The following LTF variants were observed in gnomAD, a reference collection of about 807,000 sequenced individuals.
LTF encodes lactotransferrin.
In LTF, 91 loss-of-function variants were observed where a neutral mutation model predicts 87.2. The observed-to-expected ratio is 1.04, with a 90% CI of 0.88 to 1.24. The LOEUF (loss-of-function observed/expected upper bound fraction) is 1.24. LTF is among the 50% of genes most tolerant of loss of function. The pLI is 0.00. For missense variants in LTF, 901 were observed against 904.3 expected, an observed-to-expected ratio of 1.00 and a Z score of 0.05; for synonymous variants, 378 against 356.1, an observed-to-expected ratio of 1.06 and a Z score of -0.69.
At chr3:46,474,170 G>C (rs1242546877) in intron 1 of LTF, among the ~76,000 whole-genome samples, 2 of 152,134 alleles carry the variant, frequency 1.3e-5, no homozygotes, top group African/African-American at 4.8e-5. Context: ...GATTGGAAGA[G>C]TGGATTAAAA....
At chr3:46,445,759 A>G (rs971556428) in intron 11 of LTF, among the ~76,000 whole-genome samples, 9 of 152,204 alleles carry the variant, frequency 5.9e-5, no homozygotes, top group Admixed American at 3.3e-4. Context: ...AGCAACAAAC[A>G]CTATAAACAA....
chr3:46,438,636 C>T (rs1183036468), intron 15 of LTF, among the ~76,000 whole-genome samples: 1 of 152,172 alleles, frequency 6.6e-6, no homozygotes, highest in African/African-American at 2.4e-5. Flanking sequence ...AGACCCAAAC[C>T]CCTCAGTCAC....
At chr3:46,480,750 A>G (rs1046799777) in intron 1 of LTF, among the ~76,000 whole-genome samples, 1 of 152,190 alleles carries the variant, frequency 6.6e-6, no homozygotes, top group Admixed American at 6.5e-5. Context: ...TGCATTGCCC[A>G]CCATTGTCAG....
At chr3:46,453,871 C>T (rs1702861113) in intron 6 of LTF, 1 of 171,872 alleles carries the variant, frequency 5.8e-6, no homozygotes, top group South Asian at 1.4e-4. Flanking sequence ...ACGGAACACT[C>T]CTCAACTGTT....
intron 12 of LTF, among the ~76,000 whole-genome samples, chr3:46,444,072 G>A (rs529021683): frequency 6.6e-6 from 1 of 152,328 alleles, no homozygotes; most frequent in East Asian, 1.9e-4. Flanking sequence ...GGAGTGTTGG[G>A]CGCCAGCTTC....
At position 46,470,757 on chromosome 3, in the gene LTF, T is replaced by C. The variant is rs563678943; in HGVS notation, c.-319-291A>G. ...AGAGATGGGATTGGCTGGCTAAGTT[T>C]GAACCAGTTCCACCCTAAACAGCTC... On this transcript the variant is annotated intron_variant, in intron 1 of 19. Transcript: ENST00000443496. Among the ~76,000 whole-genome samples, 14 of 152,312 alleles carry C rather than the reference T, an allele frequency of 9.2e-5. No individual in the cohort carries two copies. In the South Asian group the frequency reaches 1.9e-3, roughly 20 times the overall value.
At chr3:46,467,514 T>C (rs1703230908), upstream of LTF, among the ~76,000 whole-genome samples, 1 of 152,078 alleles carries the variant, frequency 6.6e-6, no homozygotes, top group Non-Finnish European at 1.5e-5. Context: ...GAGCATTCTG[T>C]AAAGTAAACA....
intron 1 of LTF, among the ~76,000 whole-genome samples, chr3:46,482,704 GAAAGAAAGAAAGAGA>G: frequency 9.1e-6 from 1 of 109,470 alleles, no homozygotes; most frequent in African/African-American, 3.9e-5. Flanking sequence ...AGGAAGGAAG[GAAAGAAAGAAAGAGA>G]AAGAAAGGAA....
chr3:46,465,065 G>T (rs1044159164), upstream of LTF: 5 of 612,958 alleles, frequency 8.2e-6, no homozygotes, highest in Non-Finnish European at 5.8e-6. Flanking sequence ...TCCACACCGC[G>T]CTGCGAGAGG....
At chr3:46,441,939 GTGT>G in intron 13 of LTF, 1 of 37,880 alleles carries the variant, frequency 2.6e-5, no homozygotes, top group East Asian at 1.0e-3. Context: ...GAGAGAGTGT[GTGT>G]GTGTGTGTGT....
chr3:46,482,625 A>AAAG (rs1553668604), intron 1 of LTF, among the ~76,000 whole-genome samples: 2 of 65,140 alleles, frequency 3.1e-5, no homozygotes, highest in East Asian at 5.1e-4. Flanking sequence ...AGAAAGAAAG[A>AAAG]AAGAAAGAAA....
At chr3:46,457,485 C>T (rs17078864) in intron 2 of LTF, among the ~76,000 whole-genome samples, 24,787 of 152,156 alleles carry the variant, frequency 0.16, 2,171 homozygotes, top group East Asian at 0.39. Context: ...ATGAGGAGCA[C>T]GTTTCCCCCT....
intron 1 of LTF, among the ~76,000 whole-genome samples, chr3:46,481,193 C>A (rs1007288433): frequency 6.6e-5 from 10 of 152,234 alleles, no homozygotes; most frequent in African/African-American, 2.4e-4. Context: ...CTGCCTGGAT[C>A]ACCCCTGAGC....
chr3:46,445,976 C>T (rs1185457771), intron 11 of LTF, among the ~76,000 whole-genome samples: 1 of 152,228 alleles, frequency 6.6e-6, no homozygotes, highest in African/African-American at 2.4e-5. Context: ...CAGACACCCA[C>T]CAAGGGCAAG....
At chr3:46,475,212 A>C (rs57761280) in intron 1 of LTF, among the ~76,000 whole-genome samples, 4,241 of 152,296 alleles carry the variant, frequency 0.028, 194 homozygotes, top group African/African-American at 0.091. Context: ...CCAAAAAAAC[A>C]AACTATTGCA....
chr3:46,450,658 T>C lies in LTF; in HGVS notation c.719A>G (p.Glu240Gly). 6.2e-7 allele frequency: 1 copy of C among 1,611,334 alleles called. No individual in the cohort carries two copies. Among genetic ancestry groups the C allele is most frequent in the Non-Finnish European group, 8.5e-7 (1 of 1,177,608 alleles). ...TAACTCATACTCGTCCCTTTCAGCC[T>C]CGTCTGACAGGTCCTCTGCAGGGAA... The part of the protein sequence containing the change: ...ESTVFEDLSD[E>G]AERDEYELLC... The change falls in exon 7 of 17, where the codon GAG (glutamate) becomes GGG (glycine). Residue 240 changes from glutamate to glycine, a missense_variant. Transcript: ENST00000231751.
At chr3:46,452,144 G>A (rs1702817979) in intron 6 of LTF, among the ~76,000 whole-genome samples, 1 of 152,100 alleles carries the variant, frequency 6.6e-6, no homozygotes, top group South Asian at 2.1e-4. Flanking sequence ...GAAACCAACA[G>A]AAACTAATAA....
rs886485054 is a variant in LTF at position 46,454,318 on chromosome 3, C to G, written c.690G>C (p.Glu230Asp). ...CCCTGCTCTTACCAAACACTGTGCT[C>G]TCTCTGATAAAAGCCACGTCTCCAG... ...DGAGDVAFIR[E>D]STVFEDLSDE... The change falls in exon 6 of 17, where the codon GAG (glutamate) becomes GAC (aspartate). Residue 230 changes from glutamate (E) to aspartate (D), a missense_variant. Coordinates refer to ENST00000231751, the MANE Select transcript of LTF (RefSeq NM_002343.6). 6.2e-7 allele frequency: 1 copy of G among 1,614,122 alleles called. No individual in the cohort carries two copies. The highest frequency in any genetic ancestry group is 8.5e-7 in the Non-Finnish European group (1 of 1,180,002).
chr3:46,437,354 G>A (rs534589325), intron 16 of LTF, among the ~76,000 whole-genome samples: 9 of 132,310 alleles, frequency 6.8e-5, no homozygotes, highest in South Asian at 2.3e-4. Context: ...AGGGTCTTTC[G>A]GTGTCACCTA....
Sources: allele counts gnomAD v4.1 joint callset (sites outside exome capture counted in the v4.1 genomes callset), GRCh38; gene constraint gnomAD v4.1.1; transcripts MANE v1.5; gene names NCBI Gene and HGNC (gene_info 2026-07-23, HGNC 2026-07-21).